The following CYFIP1 variants were observed in gnomAD, a reference collection of about 807,000 sequenced individuals.
CYFIP1 encodes the protein cytoplasmic FMR1-interacting protein 1.
Under a neutral mutation model 163.5 loss-of-function variants are expected in CYFIP1, and 58 were observed. That is an observed-to-expected ratio of 0.35 (90% CI 0.29 to 0.44). The LOEUF (loss-of-function observed/expected upper bound fraction) is 0.44. Among genes scored for constraint, CYFIP1 ranks in the 20% least tolerant of loss-of-function variants. The pLI is 1.00. For missense variants in CYFIP1, 1,338 were observed against 1,653.8 expected, an observed-to-expected ratio of 0.81 and a Z score of 3.31; for synonymous variants, 663 against 660.7, an observed-to-expected ratio of 1.00 and a Z score of -0.05.
chr15:22,942,060 T>C (rs7403800), intron 6 of CYFIP1, among the ~76,000 whole-genome samples: 33,656 of 152,078 alleles, frequency 0.22, 4,315 homozygotes, highest in African/African-American at 0.34. Context: ...ACAGGTCAAC[T>C]CCAGAGACCT....
At chr15:22,966,115 G>A (rs549741508) in intron 1 of CYFIP1, among the ~76,000 whole-genome samples, 14 of 151,986 alleles carry the variant, frequency 9.2e-5, no homozygotes, top group South Asian at 6.3e-4. Context: ...TTGGGAGGCC[G>A]AGGCGGGTGG....
At position 22,868,983 on chromosome 15, in the gene CYFIP1, AT is replaced by A. The variant is rs1485795579; in HGVS notation, c.*1044del. On this transcript the variant is annotated 3_prime_UTR_variant, in exon 31 of 31. Coordinates refer to ENST00000617928, the MANE Select transcript of CYFIP1 (RefSeq NM_014608.6). ...TCATTGCCTTAGTACTTTTTAAAAT[AT>A]GGCTTTAGTTTCTCAAACATGTTCG... 1 of 152,174 alleles carries A rather than the reference AT, an allele frequency of 6.6e-6. No homozygotes were observed. Among genetic ancestry groups the A allele is most frequent in the Non-Finnish European group, 1.5e-5 (1 of 68,030 alleles). The allele number at this position is 152,174 out of a possible 1,614,324, so 9.4% of individuals were successfully genotyped here. A position where few individuals can be genotyped will look rare whatever the true frequency, so the allele number is the denominator to read the frequency against.
At chr15:22,910,263 C>T (rs1261199653) in intron 20 of CYFIP1, among the ~76,000 whole-genome samples, 1 of 152,088 alleles carries the variant, frequency 6.6e-6, no homozygotes, top group Non-Finnish European at 1.5e-5. Flanking sequence ...CAGGTTCAGG[C>T]GATTCTCTTG....
In CYFIP1 at chr15:22,960,824, A is replaced by G. The variant is rs117399356; in HGVS notation, c.-6-13533T>C. ...GACTTTCCTAGCAGCACATCCCAGGAGGTTTCTTAGGTCACACAATGTCTC... is the reference window on the plus strand; with the variant it reads ...GACTTTCCTAGCAGCACATCCCAGGGGGTTTCTTAGGTCACACAATGTCTC... On this transcript the variant is annotated intron_variant, in intron 1 of 30. Transcript: ENST00000617928. Among the ~76,000 whole-genome samples, 815 of 152,232 alleles carry G rather than the reference A, an allele frequency of 5.4e-3. 20 individuals carry two copies. Among genetic ancestry groups the G allele is most frequent in the East Asian group, 0.051 (262 of 5,160 alleles).
chr15:22,970,595 T>C (rs56657254), intron 1 of CYFIP1, among the ~76,000 whole-genome samples: 8,205 of 152,270 alleles, frequency 0.054, 659 homozygotes, highest in African/African-American at 0.17. Context: ...AAGAAAGGCA[T>C]ACTGGCCAAT....
intron 1 of CYFIP1, among the ~76,000 whole-genome samples, chr15:22,972,176 C>A (rs1278754532): frequency 6.6e-6 from 1 of 152,216 alleles, no homozygotes; most frequent in Non-Finnish European, 1.5e-5. Context: ...TGGCTCCCGC[C>A]TGTAATCCCA....
rs150333466 is a variant in CYFIP1 at position 22,879,982 on chromosome 15, C to T, written c.2973G>A (p.Thr991=). 6 of 1,613,844 alleles carry T rather than the reference C, an allele frequency of 3.7e-6. No homozygotes were observed. Among genetic ancestry groups the T allele is most frequent in the African/African-American group, 1.3e-5 (1 of 74,896 alleles). ...CCTCCCGCAGGTTCTGGAAGCACAC[C>T]GTCTTCAGCTCTGCGTACTCCACGA... is the stretch of plus-strand genomic sequence containing the variant. ...KDIVEYAELK[T]VCFQNLREVG... Residue 991 remains threonine (T), a synonymous_variant, in exon 26 of 31, where the codon ACG becomes ACA. Coordinates refer to ENST00000617928, the MANE Select transcript of CYFIP1 (RefSeq NM_014608.6).
intron 23 of CYFIP1, among the ~76,000 whole-genome samples, chr15:22,886,729 G>A (rs2059936511): frequency 1.3e-5 from 2 of 152,118 alleles, no homozygotes; most frequent in Admixed American, 1.3e-4. Flanking sequence ...AATGTTTCAT[G>A]GGAATCTGAA....
chr15:22,952,227 G>C (rs1349151885), intron 1 of CYFIP1, among the ~76,000 whole-genome samples: 5 of 152,118 alleles, frequency 3.3e-5, no homozygotes, highest in Non-Finnish European at 2.9e-5. Context: ...CAGGGGCTGC[G>C]TGCTGGGCTG....
In CYFIP1 at chr15:22,953,083, G is replaced by A. The variant is rs146027051; in HGVS notation, c.-6-5792C>T. ...CCCGGCCCGCTTCCAAGGGCTCTCC[G>A]TCCGTGCATCTTCCATAGATGCGAA... On this transcript the variant is annotated intron_variant, in intron 1 of 30. Coordinates refer to ENST00000617928, the MANE Select transcript of CYFIP1 (RefSeq NM_014608.6). Among the ~76,000 whole-genome samples the A allele has an allele frequency of 2.7e-4, 41 of 152,326 alleles. No individual in the cohort carries two copies. The East Asian group carries it at 6.0e-3, about 22-fold the overall frequency.
chr15:22,976,026 T>G (rs139954658), intron 1 of CYFIP1, among the ~76,000 whole-genome samples: 334 of 152,326 alleles, frequency 2.2e-3, no homozygotes, highest in African/African-American at 7.6e-3. Context: ...GACCATGGTA[T>G]GTTCCCCCAT....
chr15:22,960,833 AG>A (rs1226651778), intron 1 of CYFIP1, among the ~76,000 whole-genome samples: 2 of 152,152 alleles, frequency 1.3e-5, no homozygotes, highest in Non-Finnish European at 2.9e-5. Context: ...GAGGTTTCTT[AG>A]GTCACACAAT....
intron 8 of CYFIP1, among the ~76,000 whole-genome samples, chr15:22,937,567 T>TA (rs2061751290): frequency 6.6e-6 from 1 of 152,012 alleles, no homozygotes. Flanking sequence ...TGTAACCAGT[T>TA]AAGTTTCGGT....
intron 6 of CYFIP1, 29 bp from the exon 7 acceptor site, chr15:22,939,536 A>G: frequency 5.0e-6 from 7 of 1,413,552 alleles, no homozygotes; most frequent in Non-Finnish European, 6.9e-6. Context: ...TTCATCCCAA[A>G]ATGCACCAAC....
intron 13 of CYFIP1, among the ~76,000 whole-genome samples, chr15:22,920,572 G>T (rs946050502): frequency 6.6e-6 from 1 of 152,108 alleles, no homozygotes; most frequent in Non-Finnish European, 1.5e-5. Flanking sequence ...GAAATTTTCA[G>T]GTGGAAAAGT....
chr15:22,925,052 T>TAAAA (rs2061315195), intron 13 of CYFIP1, among the ~76,000 whole-genome samples: 1 of 152,122 alleles, frequency 6.6e-6, no homozygotes, highest in Non-Finnish European at 1.5e-5. Flanking sequence ...TTCACTGTTG[T>TAAAA]AGTGTTATTT....
intron 27 of CYFIP1, 63 bp downstream of exon 27, chr15:22,875,136 T>C (rs1383197092): frequency 6.8e-7 from 1 of 1,478,252 alleles, no homozygotes; most frequent in Non-Finnish European, 9.5e-7. Flanking sequence ...TCCGGTTGCA[T>C]ACAGTGGGCA....
chr15:22,888,534 C>G (rs1033145046), intron 23 of CYFIP1, among the ~76,000 whole-genome samples: 1 of 151,650 alleles, frequency 6.6e-6, no homozygotes, highest in African/African-American at 2.4e-5. Context: ...GAGTTCGCGA[C>G]CAGCCTGTGC....
chr15:22,913,349 T>G (rs568828972), intron 17 of CYFIP1, among the ~76,000 whole-genome samples: 32 of 149,878 alleles, frequency 2.1e-4, no homozygotes, highest in Non-Finnish European at 3.7e-4. Context: ...GCTAACATGA[T>G]GAAACTCATC....
Sources: allele counts gnomAD v4.1 joint callset (sites outside exome capture counted in the v4.1 genomes callset), GRCh38; gene constraint gnomAD v4.1.1; transcripts MANE v1.5; gene names NCBI Gene and HGNC (gene_info 2026-07-23, HGNC 2026-07-21).